The following RGSL1 variants were observed in gnomAD, a reference collection of about 807,000 sequenced individuals.
RGSL1 encodes the protein regulator of G protein signaling protein-like.
RGSL1 carries 97 observed loss-of-function variants against 124.7 expected under a neutral mutation model. The ratio of observed to expected loss-of-function variants is 0.78; its 90% CI spans 0.66 to 0.92. The LOEUF is 0.92. Among genes scored for constraint, RGSL1 ranks in the 40% least tolerant of loss-of-function variants. The pLI is 0.00. For missense variants in RGSL1, 1,233 were observed against 1,288.4 expected (o/e 0.96, Z 0.66); for synonymous variants, 424 against 438.1 (o/e 0.97, Z 0.40).
chr1:182,517,108 T>G (rs1657953915), intron 9 of RGSL1, among the ~76,000 whole-genome samples: 2 of 152,160 alleles, frequency 1.3e-5, no homozygotes, highest in South Asian at 4.1e-4. Flanking sequence ...TACGTCTCCT[T>G]TATATTTGAA....
intron 6 of RGSL1, among the ~76,000 whole-genome samples, chr1:182,479,181 A>G (rs1654513988): frequency 6.6e-6 from 1 of 152,194 alleles, no homozygotes; most frequent in East Asian, 1.9e-4. Context: ...AGGTAAATAT[A>G]AGGACAAACA....
intron 9 of RGSL1, among the ~76,000 whole-genome samples, chr1:182,510,210 G>A (rs1450737627): frequency 3.0e-5 from 1 of 33,650 alleles, no homozygotes; most frequent in Non-Finnish European, 6.7e-5. Flanking sequence ...CAGCCAGGCA[G>A]AGGGTCTCCT....
intron 14 of RGSL1, among the ~76,000 whole-genome samples, chr1:182,536,135 C>T (rs142411686): frequency 4.2e-4 from 64 of 152,276 alleles, no homozygotes; most frequent in East Asian, 3.7e-3. Context: ...ATCAGTAACT[C>T]ATTCCTTTTT....
rs1658859767 is a variant in RGSL1, at chr1:182,527,741, C to G, written c.2094C>G (p.Ile698Met). Residue 698 changes from isoleucine (I) to methionine (M), a missense_variant, in exon 11 of 22, where the codon ATC (isoleucine) becomes ATG (methionine). Coordinates refer to ENST00000294854, the MANE Select transcript of RGSL1 (RefSeq NM_001137669.2). ...KICKSLIENV[I>M]KTFFQGQLSP... ...GCAAGTCTCTCATAGAAAATGTAAT[C>G]AAGACTTTCTTCCAAGGCCAACTCT... 1 of 1,550,678 alleles carries G rather than the reference C, an allele frequency of 6.4e-7. No individual in the cohort carries two copies. Among genetic ancestry groups the G allele is most frequent in the Non-Finnish European group, 8.7e-7 (1 of 1,146,544 alleles).
intron 8 of RGSL1, among the ~76,000 whole-genome samples, chr1:182,492,697 C>T (rs1251578447): frequency 2.0e-5 from 3 of 150,616 alleles, no homozygotes; most frequent in Non-Finnish European, 2.9e-5. Flanking sequence ...GGCCCAATCT[C>T]GGCTCACTAC....
At chr1:182,481,786 C>G (rs1268259399) in intron 6 of RGSL1, among the ~76,000 whole-genome samples, 1 of 152,076 alleles carries the variant, frequency 6.6e-6, no homozygotes, top group Non-Finnish European at 1.5e-5. Context: ...TCAAGACCAG[C>G]CTAGGCAACA....
chr1:182,488,539 C>G (rs1655266905), intron 7 of RGSL1, 192 bp downstream of exon 7: 8 of 577,410 alleles, frequency 1.4e-5, no homozygotes. Context: ...CATAAGATGA[C>G]TTTGGTGAAA....
At chr1:182,467,599 C>T (rs1171057699) in intron 4 of RGSL1, among the ~76,000 whole-genome samples, 1 of 152,168 alleles carries the variant, frequency 6.6e-6, no homozygotes, top group Non-Finnish European at 1.5e-5. Context: ...CTTTCTTACA[C>T]CTTATACAAA....
intron 4 of RGSL1, chr1:182,471,235 G>A (rs1181169129): frequency 2.2e-6 from 1 of 457,182 alleles, no homozygotes. Flanking sequence ...AGAGGGGTCA[G>A]GGGAAGAGTT....
chr1:182,491,972 T>C (rs1655560747), intron 8 of RGSL1, among the ~76,000 whole-genome samples: 2 of 152,178 alleles, frequency 1.3e-5, no homozygotes, highest in Admixed American at 1.3e-4. Flanking sequence ...AAAAAGGTAT[T>C]CCCTCTCAAT....
intron 19 of RGSL1, among the ~76,000 whole-genome samples, chr1:182,553,840 C>T (rs143168834): frequency 6.6e-6 from 1 of 152,296 alleles, no homozygotes; most frequent in African/African-American, 2.4e-5. Flanking sequence ...CTCCTCTTCT[C>T]ATTTCCAGGC....
chr1:182,557,642 T>A (rs1169519451), intron 21 of RGSL1, among the ~76,000 whole-genome samples: 1 of 152,236 alleles, frequency 6.6e-6, no homozygotes, highest in Non-Finnish European at 1.5e-5. Flanking sequence ...CCCATCTTCC[T>A]ATTTCTTAAT....
At position 182,556,657 on chromosome 1, in the gene RGSL1, T is replaced by C. The variant is rs527515392; in HGVS notation, c.*165+435T>C. On this transcript the variant is annotated intron_variant, in intron 21 of 21. Transcript: ENST00000294854. ...TTTCTGATTTTTTGTCCTGTTCTTG[T>C]TCTATGCCAACCTTTTATGTAACTT... Among the ~76,000 whole-genome samples, 613 of 152,338 alleles carry C rather than the reference T, an allele frequency of 4.0e-3. 5 individuals are homozygous for C. The highest frequency in any genetic ancestry group is 0.014 in the African/African-American group (590 of 41,592).
intron 9 of RGSL1, among the ~76,000 whole-genome samples, chr1:182,509,445 AC>A (rs1339166878): frequency 1.8e-4 from 5 of 27,446 alleles, no homozygotes; most frequent in Admixed American, 5.1e-4. Flanking sequence ...CAGAGGGCTG[AC>A]CCCCCCACCT....
chr1:182,500,266 ACT>A (rs1656249778), intron 9 of RGSL1, among the ~76,000 whole-genome samples: 1 of 152,006 alleles, frequency 6.6e-6, no homozygotes, highest in African/African-American at 2.4e-5. Context: ...TGTTGAAGAG[ACT>A]CTTCTTTCCC....
intron 6 of RGSL1, among the ~76,000 whole-genome samples, chr1:182,486,491 C>T (rs926999292): frequency 2.6e-5 from 4 of 151,558 alleles, no homozygotes; most frequent in South Asian, 2.1e-4. Flanking sequence ...TAGGTGCACG[C>T]CACCATGCCC....
chr1:182,488,853 A>C lies in RGSL1; in HGVS notation c.1495-127A>C, dbSNP rs907787767. On this transcript the variant is annotated intron_variant, in intron 7 of 21. Coordinates refer to ENST00000294854, the MANE Select transcript of RGSL1 (RefSeq NM_001137669.2). ...GCATGTAAAGGAGCAATGGTTCTTA[A>C]CAACTGAAAACAACCTGCATAAGAC... is the stretch of plus-strand genomic sequence containing the variant. 6.1e-5 allele frequency: 43 copies of C among 700,608 alleles called. 1 individual carries two copies. The South Asian group carries it at 8.6e-4, about 14-fold the overall frequency. The allele number at this position is 700,608 out of a possible 1,614,324, so 43.4% of individuals were successfully genotyped here. A position where few individuals can be genotyped will look rare whatever the true frequency, so the allele number is the denominator to read the frequency against.
intron 14 of RGSL1, 57 bp downstream of exon 14, chr1:182,532,848 A>T: frequency 1.3e-6 from 2 of 1,501,714 alleles, no homozygotes; most frequent in South Asian, 2.4e-5. Flanking sequence ...CATGAGGGTC[A>T]GCCCACATAA....
At position 182,489,129 on chromosome 1, in the gene RGSL1, A is replaced by G. The variant is rs1206670747; in HGVS notation, c.1644A>G (p.Arg548=). The G allele has an allele frequency of 1.3e-6, 2 of 1,551,734 alleles. No homozygotes were observed. The highest frequency in any genetic ancestry group is 1.7e-6 in the Non-Finnish European group (2 of 1,147,004). The change falls in exon 8 of 22, where the codon CGA becomes CGG. Residue 548 remains arginine (R), a synonymous_variant. Coordinates refer to ENST00000294854, the MANE Select transcript of RGSL1 (RefSeq NM_001137669.2). ...DMKEMDYRQW[R]KIATEDLKQG... ...AGGAAATGGACTATAGGCAGTGGCG[A>G]AAGATAGCTACTGAGGACCTGAAGC...
Sources: allele counts gnomAD v4.1 joint callset (sites outside exome capture counted in the v4.1 genomes callset), GRCh38; gene constraint gnomAD v4.1.1; transcripts MANE v1.5; gene names NCBI Gene and HGNC (gene_info 2026-07-23, HGNC 2026-07-21).